DGCR2: variants seen among roughly 807,000 people sequenced by gnomAD.
DGCR2 encodes the protein DiGeorge syndrome critical region gene 2, also known as integral membrane protein DGCR2/IDD.
DGCR2 carries 24 observed loss-of-function variants against 51.6 expected under a neutral mutation model. The ratio of observed to expected loss-of-function variants is 0.47; its 90% CI spans 0.34 to 0.65. The LOEUF is 0.65. DGCR2 is among the 30% of genes least tolerant of loss of function. The probability of loss-of-function intolerance (pLI) is 0.01; values close to 1 mark genes in which losing one functional copy is unlikely to be tolerated. For missense variants in DGCR2, 765 were observed against 772.1 expected, an observed-to-expected ratio of 0.99 and a Z score of 0.11; for synonymous variants, 340 against 315.4, an observed-to-expected ratio of 1.08 and a Z score of -0.82.
chr22:19,041,382 G>C, intron 8 of DGCR2, 88 bp from the exon 9 acceptor site: 1 of 1,368,622 alleles, frequency 7.3e-7, no homozygotes, highest in Non-Finnish European at 1.0e-6. Flanking sequence ...CCCAGGCTGG[G>C]CCTGCCGTCC....
At chr22:19,071,443 G>A (rs752000357) in intron 2 of DGCR2, among the ~76,000 whole-genome samples, 2 of 152,054 alleles carry the variant, frequency 1.3e-5, no homozygotes, top group South Asian at 2.1e-4. Flanking sequence ...CTTGGGCCTC[G>A]TGATTTGATA....
chr22:19,105,634 T>C (rs762715038), intron 1 of DGCR2, among the ~76,000 whole-genome samples: 2 of 152,088 alleles, frequency 1.3e-5, no homozygotes, highest in Non-Finnish European at 2.9e-5. Context: ...GATAGCTTCA[T>C]GGGATGTGCT....
intron 1 of DGCR2, among the ~76,000 whole-genome samples, chr22:19,097,595 A>C (rs2083156406): frequency 6.6e-6 from 1 of 152,168 alleles, no homozygotes; most frequent in Non-Finnish European, 1.5e-5. Context: ...TCATGTCTGC[A>C]CTGTTCACTC....
intron 1 of DGCR2, among the ~76,000 whole-genome samples, chr22:19,101,756 A>G (rs963227876): frequency 6.8e-6 from 1 of 146,010 alleles, no homozygotes; most frequent in Non-Finnish European, 1.5e-5. Context: ...AAAAAAAAAA[A>G]GTGAATGTGG....
chr22:19,109,089 T>C (rs1413581360), intron 1 of DGCR2, among the ~76,000 whole-genome samples: 1 of 151,658 alleles, frequency 6.6e-6, no homozygotes, highest in African/African-American at 2.4e-5. Flanking sequence ...AAAACCACAA[T>C]AGGCTATCAC....
chr22:19,082,222 C>CTTTTTTTTT (rs56725898), intron 2 of DGCR2, among the ~76,000 whole-genome samples: 1 of 88,068 alleles, frequency 1.1e-5, no homozygotes, highest in Non-Finnish European at 2.1e-5. Context: ...CTAATTATTT[C>CTTTTTTTTT]TTTTTTTTTT....
intron 1 of DGCR2, among the ~76,000 whole-genome samples, chr22:19,094,686 C>T (rs1223849130): frequency 6.6e-6 from 1 of 152,202 alleles, no homozygotes; most frequent in Non-Finnish European, 1.5e-5. Flanking sequence ...CACACAAAGA[C>T]TTGTTCATAG....
intron 1 of DGCR2, among the ~76,000 whole-genome samples, chr22:19,110,737 T>C (rs542515999): frequency 1.3e-5 from 2 of 152,280 alleles, no homozygotes; most frequent in African/African-American, 2.4e-5. Context: ...ATGAACTCTA[T>C]GCTGCCCATG....
At chr22:19,061,134 T>C (rs41277592) in intron 5 of DGCR2, 3,834 of 233,364 alleles carry the variant, frequency 0.016, 122 homozygotes, top group East Asian at 0.056. Context: ...CCATGGTTTT[T>C]TGGGTATTTT....
At chr22:19,054,234 A>T (rs1295743356) in intron 6 of DGCR2, among the ~76,000 whole-genome samples, 3 of 152,238 alleles carry the variant, frequency 2.0e-5, no homozygotes, top group South Asian at 4.1e-4. Flanking sequence ...ACTGAAGTAT[A>T]AAACGCTTAA....
At chr22:19,104,799 T>G (rs1264220223) in intron 1 of DGCR2, among the ~76,000 whole-genome samples, 1 of 152,236 alleles carries the variant, frequency 6.6e-6, no homozygotes. Flanking sequence ...GGCAGCTGCT[T>G]CCCAGTGGGG....
chr22:19,093,839 A>C (rs1325491277), intron 1 of DGCR2, among the ~76,000 whole-genome samples: 2 of 147,728 alleles, frequency 1.4e-5, no homozygotes, highest in East Asian at 2.0e-4. Context: ...TCTACATTAC[A>C]AAAAAAAAAC....
chr22:19,068,079 C>A, intron 3 of DGCR2, 21 bp downstream of exon 3: 1 of 1,546,850 alleles, frequency 6.5e-7, no homozygotes. Flanking sequence ...GTGTCCCAGT[C>A]AGGGCAGGTC....
intron 6 of DGCR2, chr22:19,055,708 A>G (rs2082593407): frequency 1.3e-5 from 2 of 152,288 alleles, no homozygotes; most frequent in Admixed American, 1.3e-4. Context: ...CATAACAGGC[A>G]AGAACAAGGC....
At position 19,122,220 on chromosome 22, in the gene DGCR2, A is replaced by G; in HGVS notation, c.-14T>C. The stretch of plus-strand genomic sequence containing the variant: ...CTTGGGCACCATTTATCCTCCGTTC[A>G]TCGTCCCCGGGGCGGCTGGAAGGCC... On this transcript the variant is annotated 5_prime_UTR_variant, in exon 1 of 10. An upstream start codon of the reference 5' UTR is lost. Transcript: ENST00000263196. 1 of 1,419,048 alleles carries G rather than the reference A, an allele frequency of 7.0e-7. No individual in the cohort carries two copies. The highest frequency in any genetic ancestry group is 9.4e-7 in the Non-Finnish European group (1 of 1,063,018). The allele number at this position is 1,419,048 out of a possible 1,614,324, so 87.9% of individuals were successfully genotyped here. A position where few individuals can be genotyped will look rare whatever the true frequency, so the allele number is the denominator to read the frequency against.
At chr22:19,065,775 CT>C (rs2145972177) in intron 3 of DGCR2, 1 of 152,488 alleles carries the variant, frequency 6.6e-6, no homozygotes, top group African/African-American at 2.4e-5. Flanking sequence ...CACCAGTGAC[CT>C]CTTTTATAGA....
chr22:19,041,084 G>A lies in DGCR2; in HGVS notation c.1370C>T (p.Pro457Leu), dbSNP rs752930174. The A allele has an allele frequency of 1.4e-5, 23 of 1,610,568 alleles. No individual in the cohort carries two copies. The highest frequency in any genetic ancestry group is 6.6e-5 in the South Asian group (6 of 90,614). ...TGCAGGGTCATAGAACACACTGTCC[G>A]GGTGGATGGAGGCCTCGTAGGGCGG... ...PPPPYEASIH[P>L]DSVFYDPADD... The change falls in exon 9 of 10, where the codon CCG (proline) becomes CTG (leucine). Residue 457 changes from proline to leucine, a missense_variant. By Grantham distance (98) the Pro-to-Leu change is moderately conservative (BLOSUM62 -3). Coordinates refer to ENST00000263196, the MANE Select transcript of DGCR2 (RefSeq NM_005137.3).
intron 5 of DGCR2, among the ~76,000 whole-genome samples, chr22:19,062,415 C>G (rs915326328): frequency 1.3e-5 from 2 of 152,222 alleles, no homozygotes; most frequent in Non-Finnish European, 2.9e-5. Flanking sequence ...CTTTTCAACC[C>G]TGTCCCCAGG....
chr22:19,085,714 CT>C (rs1478214518), intron 2 of DGCR2, among the ~76,000 whole-genome samples: 1 of 152,216 alleles, frequency 6.6e-6, no homozygotes, highest in Admixed American at 6.5e-5. Flanking sequence ...CATCTTTCCC[CT>C]TTTTTTGTCC....
Sources: allele counts gnomAD v4.1 joint callset (sites outside exome capture counted in the v4.1 genomes callset), GRCh38; gene constraint gnomAD v4.1.1; transcripts MANE v1.5; gene names NCBI Gene and HGNC (gene_info 2026-07-23, HGNC 2026-07-21).